The following PTPRK variants were observed in gnomAD, a reference collection of about 807,000 sequenced individuals.
The protein encoded by PTPRK is receptor-type tyrosine-protein phosphatase kappa.
Under a neutral mutation model 178.0 loss-of-function variants are expected in PTPRK, and 75 were observed. That is an observed-to-expected ratio of 0.42 (90% CI 0.35 to 0.51). PTPRK has a LOEUF of 0.51. PTPRK is among the 20% of genes least tolerant of loss of function. The pLI is 0.02. For synonymous variants in PTPRK, 637 were observed against 620.6 expected (o/e 1.03, Z -0.39); for missense variants, 1,441 against 1,797.8 (o/e 0.80, Z 3.59).
chr6:128,179,631 C>G (rs1005382696), intron 7 of PTPRK, among the ~76,000 whole-genome samples: 6 of 151,860 alleles, frequency 4.0e-5, no homozygotes, highest in Non-Finnish European at 7.4e-5. Flanking sequence ...GTAAGTCATC[C>G]TTACATTGTG....
chr6:128,231,738 T>C (rs1019426433), intron 5 of PTPRK, among the ~76,000 whole-genome samples: 1 of 152,086 alleles, frequency 6.6e-6, no homozygotes, highest in Admixed American at 6.5e-5. Flanking sequence ...TAGAAAGAGG[T>C]AAAAAGTAAA....
intron 3 of PTPRK, among the ~76,000 whole-genome samples, chr6:128,250,634 C>A (rs1257337576): frequency 6.6e-6 from 1 of 152,028 alleles, no homozygotes; most frequent in Non-Finnish European, 1.5e-5. Context: ...GATAATTTTC[C>A]CAAGCTATAT....
At chr6:128,097,035 T>G (rs1788032189) in intron 7 of PTPRK, among the ~76,000 whole-genome samples, 1 of 152,202 alleles carries the variant, frequency 6.6e-6, no homozygotes, top group Non-Finnish European at 1.5e-5. Context: ...TTCACTTCTT[T>G]TCAATGTTAC....
intron 15 of PTPRK, chr6:128,001,256 G>C (rs1562412109): frequency 6.9e-7 from 1 of 1,449,648 alleles, no homozygotes; most frequent in African/African-American, 1.4e-5. Flanking sequence ...ATACGAATCA[G>C]TATGAAAAGT....
At chr6:128,495,619 T>G (rs1854540389) in intron 1 of PTPRK, among the ~76,000 whole-genome samples, 1 of 152,164 alleles carries the variant, frequency 6.6e-6, no homozygotes, top group African/African-American at 2.4e-5. Flanking sequence ...CTACAGTCAC[T>G]TAGACTGCAA....
At chr6:128,296,795 G>A (rs1245216225) in intron 3 of PTPRK, among the ~76,000 whole-genome samples, 2 of 152,080 alleles carry the variant, frequency 1.3e-5, no homozygotes, top group Non-Finnish European at 1.5e-5. Flanking sequence ...GACCATCGAG[G>A]CTAGGAAGAA....
intron 2 of PTPRK, among the ~76,000 whole-genome samples, chr6:128,389,413 G>GTTTTTTTTTGT (rs11443907): frequency 4.2e-5 from 6 of 144,468 alleles, no homozygotes; most frequent in Admixed American, 3.4e-4. Flanking sequence ...GTTTTTTTTT[G>GTTTTTTTTTGT]TTTTTTTTGT....
intron 2 of PTPRK, among the ~76,000 whole-genome samples, chr6:128,332,275 T>C (rs1420749990): frequency 8.5e-5 from 13 of 152,206 alleles, no homozygotes; most frequent in Non-Finnish European, 1.6e-4. Context: ...ATTAGTGCCA[T>C]CTGTTTCCTA....
chr6:128,062,062 A>G (rs1490603106), intron 13 of PTPRK: 3 of 152,170 alleles, frequency 2.0e-5, no homozygotes, highest in Non-Finnish European at 4.4e-5. Context: ...GTTTCTTCAA[A>G]ACGCCCTGTC....
At chr6:128,176,795 CA>C (rs1801142341) in intron 7 of PTPRK, among the ~76,000 whole-genome samples, 1 of 151,540 alleles carries the variant, frequency 6.6e-6, no homozygotes, top group Admixed American at 6.6e-5. Flanking sequence ...CTGATGATTC[CA>C]TGTAGTAATG....
chr6:127,977,035 G>C lies in PTPRK; in HGVS notation c.3731C>G (p.Ala1244Gly), dbSNP rs1774683272. 3.1e-6 allele frequency: 5 copies of C among 1,613,940 alleles called. No homozygotes were observed. Among genetic ancestry groups the C allele is most frequent in the African/African-American group, 1.3e-5 (1 of 74,934 alleles). The change falls in exon 26 of 30, where the codon GCT becomes GGT. Residue 1244 changes from alanine (A) to glycine (G), a missense_variant. Coordinates refer to ENST00000368226, the MANE Select transcript of PTPRK (RefSeq NM_002844.4). ...ALMDSYRQPAAFIVTQYPLPN... is the reference protein window; with the variant it reads ...ALMDSYRQPAGFIVTQYPLPN... ...CAGAGGGTATTGTGTGACGATGAAA[G>C]CAGCTGGTTGCCTGTAGCTCTGTGA... is the stretch of plus-strand genomic sequence containing the variant.
intron 1 of PTPRK, among the ~76,000 whole-genome samples, chr6:128,413,154 C>T (rs1842488100): frequency 6.6e-6 from 1 of 152,104 alleles, no homozygotes; most frequent in Non-Finnish European, 1.5e-5. Context: ...CCTACATATC[C>T]CTAAAGCAGG....
chr6:128,041,506 T>C (rs781153435), intron 13 of PTPRK, among the ~76,000 whole-genome samples: 3 of 152,032 alleles, frequency 2.0e-5, no homozygotes, highest in Non-Finnish European at 4.4e-5. Context: ...ATTTTAATAC[T>C]TTTTCCCTGC....
chr6:128,381,343 T>C lies in PTPRK; in HGVS notation c.223+16223A>G, dbSNP rs940770054. Among the ~76,000 whole-genome samples, 5 of 152,324 alleles carry C rather than the reference T, an allele frequency of 3.3e-5. No individual in the cohort carries two copies. The East Asian group carries it at 9.6e-4, about 29-fold the overall frequency. ...CTATCTTTGTTATAAAAATCATTTCTAGATATCATTATGCGTCAGAGTGCA... is the reference window on the plus strand; with the variant it reads ...CTATCTTTGTTATAAAAATCATTTCCAGATATCATTATGCGTCAGAGTGCA... On this transcript the variant is annotated intron_variant, in intron 2 of 29. Coordinates refer to ENST00000368226, the MANE Select transcript of PTPRK (RefSeq NM_002844.4).
intron 3 of PTPRK, chr6:128,321,182 C>T (rs374305170): frequency 6.6e-6 from 1 of 152,092 alleles, no homozygotes; most frequent in Admixed American, 6.6e-5. Context: ...TATACTTTTA[C>T]ATAAATGTAT....
chr6:128,252,395 A>G (rs535041728), intron 3 of PTPRK, among the ~76,000 whole-genome samples: 11 of 152,340 alleles, frequency 7.2e-5, no homozygotes, highest in African/African-American at 2.6e-4. Flanking sequence ...AACGATTATC[A>G]ATGGTGTTTT....
At chr6:128,467,119 T>G (rs1343776876) in intron 1 of PTPRK, among the ~76,000 whole-genome samples, 1 of 152,052 alleles carries the variant, frequency 6.6e-6, no homozygotes, top group Non-Finnish European at 1.5e-5. Context: ...CCCACCTCAG[T>G]CTCCCAAGTA....
At chr6:128,456,799 C>G (rs1393619934) in intron 1 of PTPRK, among the ~76,000 whole-genome samples, 1 of 152,040 alleles carries the variant, frequency 6.6e-6, no homozygotes, top group Non-Finnish European at 1.5e-5. Context: ...AAGAAAATGT[C>G]CTTCATTGGC....
intron 7 of PTPRK, among the ~76,000 whole-genome samples, chr6:128,094,396 A>T (rs755698448): frequency 6.6e-6 from 1 of 152,178 alleles, no homozygotes; most frequent in Non-Finnish European, 1.5e-5. Flanking sequence ...AACACGCAGG[A>T]TAGGGGCTAC....
Sources: gnomAD v4.1 joint callset for allele counts (sites outside exome capture counted in the v4.1 genomes callset) on GRCh38, gnomAD v4.1.1 for gene constraint, MANE v1.5 for transcripts, NCBI Gene and HGNC (gene_info 2026-07-23, HGNC 2026-07-21) for gene names.